BAZ1B: variants seen among roughly 807,000 people sequenced by gnomAD.
BAZ1B encodes the protein bromodomain adjacent to zinc finger domain 1B, also known as tyrosine-protein kinase BAZ1B.
Under a neutral mutation model 153.8 loss-of-function variants are expected in BAZ1B, and 22 were observed. The ratio of observed to expected loss-of-function variants is 0.14; its 90% confidence interval spans 0.10 to 0.20. The LOEUF (loss-of-function observed/expected upper bound fraction) is 0.20. BAZ1B is among the 10% of genes least tolerant of loss of function. The pLI, the probability that BAZ1B is intolerant of heterozygous loss-of-function variation, is 1.00. For synonymous variants in BAZ1B, 676 were observed against 633.4 expected (o/e 1.07, Z -1.01); for missense variants, 1,325 against 1,799.3 (o/e 0.74, Z 4.77).
chr7:73,442,490 A>G lies in BAZ1B; in HGVS notation c.4158T>C (p.Phe1386=). 2 of 1,614,218 alleles carry G rather than the reference A, an allele frequency of 1.2e-6. No individual in the cohort carries two copies. The highest frequency in any genetic ancestry group is 1.7e-6 in the Non-Finnish European group (2 of 1,180,036). Residue 1386 remains phenylalanine, a synonymous_variant, in exon 19 of 20, where the codon TTT becomes TTC. Transcript: ENST00000339594. ...AGGAACATTTGTTCTGCACTGTCTGAAAGTCCATGGGGTGCGTGATCACAT... is the reference window on the plus strand; with the variant it reads ...AGGAACATTTGTTCTGCACTGTCTGGAAGTCCATGGGGTGCGTGATCACAT... The part of the protein sequence containing the change: ...YYDVITHPMD[F]QTVQNKCSCG...
At chr7:73,492,047 C>G (rs534379306) in intron 5 of BAZ1B, among the ~76,000 whole-genome samples, 2 of 140,436 alleles carry the variant, frequency 1.4e-5, no homozygotes, top group Non-Finnish European at 3.0e-5. Context: ...GGCTGGAGTG[C>G]AGGGGCGCAA....
intron 2 of BAZ1B, among the ~76,000 whole-genome samples, chr7:73,509,758 C>T (rs1554578314): frequency 6.6e-6 from 1 of 151,264 alleles, no homozygotes; most frequent in East Asian, 1.9e-4. Context: ...ACTTGAACAC[C>T]AGAGCTGTTG....
At chr7:73,458,563 C>A (rs782358987) in intron 13 of BAZ1B, among the ~76,000 whole-genome samples, 1 of 151,216 alleles carries the variant, frequency 6.6e-6, no homozygotes, top group Non-Finnish European at 1.5e-5. Context: ...GCAATTCCAG[C>A]TACTTGGGAG....
In BAZ1B at chr7:73,459,654, A is replaced by G. The variant is rs937962284; in HGVS notation, c.3314T>C (p.Ile1105Thr). Residue 1105 changes from isoleucine to threonine, a missense_variant, in exon 13 of 20, where the codon ATA becomes ACA. Coordinates refer to ENST00000339594, the MANE Select transcript of BAZ1B (RefSeq NM_032408.4). Reference protein sequence around the residue: ...ECVIALQASVIKKFLQGFMAP... With the variant: ...ECVIALQASVTKKFLQGFMAP... ...CATGAAGCCTTGGAGAAATTTCTTT[A>G]TGACACTGGCCTGAAGGGCAATCAC... The G allele has an allele frequency of 1.9e-6, 3 of 1,614,052 alleles. No individual in the cohort carries two copies. The Admixed American group carries it at 5.0e-5, about 27-fold the overall frequency.
chr7:73,485,557 C>T (rs1789370769), intron 6 of BAZ1B, among the ~76,000 whole-genome samples: 1 of 150,904 alleles, frequency 6.6e-6, no homozygotes, highest in African/African-American at 2.4e-5. Context: ...GCCAGAAGTT[C>T]CAGGTTACAG....
chr7:73,471,108 A>G (rs1212957249), intron 7 of BAZ1B, among the ~76,000 whole-genome samples: 2 of 152,242 alleles, frequency 1.3e-5, no homozygotes, highest in African/African-American at 4.8e-5. Context: ...GACTAACTGA[A>G]ACATCTTCTG....
At chr7:73,492,523 C>A (rs1789693122) in intron 5 of BAZ1B, among the ~76,000 whole-genome samples, 2 of 152,158 alleles carry the variant, frequency 1.3e-5, no homozygotes, top group African/African-American at 4.8e-5. Context: ...CTGCTGGGAA[C>A]AGATTCTTAA....
At chr7:73,511,758 C>T (rs910675483) in intron 1 of BAZ1B, among the ~76,000 whole-genome samples, 52 of 151,500 alleles carry the variant, frequency 3.4e-4, no homozygotes, top group African/African-American at 1.2e-3. Flanking sequence ...TGGTGGCTCA[C>T]GCCTGTAATC....
chr7:73,520,210 C>CAA lies in BAZ1B; in HGVS notation c.107+1615_107+1616dup, dbSNP rs1158487602. 8.9e-3 allele frequency among the ~76,000 whole-genome samples: 512 copies of CAA among 57,354 alleles called. 10 individuals carry two copies. The highest frequency in any genetic ancestry group is 0.029 in the African/African-American group (465 of 16,160). The allele number at this position is 57,354 out of a possible 152,430, so 37.6% of individuals were successfully genotyped here. A position where few individuals can be genotyped will look rare whatever the true frequency, so the allele number is the denominator to read the frequency against. ...GGTTAACAAGAGGGAAACTCCGTCT[C>CAA]AAAAAAAAAAAAAAAAAAAAGTGGG... is the stretch of plus-strand genomic sequence containing the variant. On this transcript the variant is annotated intron_variant, in intron 1 of 19. Coordinates refer to ENST00000339594, the MANE Select transcript of BAZ1B (RefSeq NM_032408.4).
chr7:73,505,574 G>A (rs1243259906), intron 3 of BAZ1B, among the ~76,000 whole-genome samples: 1 of 152,024 alleles, frequency 6.6e-6, no homozygotes, highest in African/African-American at 2.4e-5. Context: ...TCAAGGAATG[G>A]GCTGAAGAAC....
intron 1 of BAZ1B, among the ~76,000 whole-genome samples, chr7:73,514,457 T>C (rs1790710172): frequency 6.6e-6 from 1 of 151,126 alleles, no homozygotes; most frequent in South Asian, 2.1e-4. Flanking sequence ...TGCTTGAACC[T>C]TGGAGACGGA....
intron 12 of BAZ1B, 54 bp downstream of exon 12, chr7:73,462,868 A>G: frequency 1.3e-6 from 2 of 1,579,172 alleles, no homozygotes; most frequent in Non-Finnish European, 1.7e-6. Flanking sequence ...CCAGGGAAGA[A>G]CTTCAGATTG....
At position 73,442,959 on chromosome 7, in the gene BAZ1B, A is replaced by G. The variant is rs531090143; in HGVS notation, c.3991-131T>C. On this transcript the variant is annotated intron_variant, in intron 17 of 19. Transcript: ENST00000339594. ...ATTTCCTTGGCGCAGAGGTGCTGAAACCTTCTGATATTCAAGTCAGGGAGC... is the reference window on the plus strand; with the variant it reads ...ATTTCCTTGGCGCAGAGGTGCTGAAGCCTTCTGATATTCAAGTCAGGGAGC... 674 of 707,334 alleles carry G rather than the reference A, an allele frequency of 9.5e-4. 3 individuals are homozygous for G. The highest frequency in any genetic ancestry group is 5.7e-4 in the Non-Finnish European group (243 of 429,540). The allele number at this position is 707,334 out of a possible 1,614,324, so 43.8% of individuals were successfully genotyped here.
chr7:73,467,288 C>A (rs1402032425), intron 9 of BAZ1B, among the ~76,000 whole-genome samples: 1 of 152,082 alleles, frequency 6.6e-6, no homozygotes, highest in African/African-American at 2.4e-5. Context: ...CTTCTCTTTC[C>A]CATTCTCCCC....
chr7:73,447,479 A>C, intron 15 of BAZ1B, 100 bp from the exon 16 acceptor site: 2 of 1,354,970 alleles, frequency 1.5e-6, no homozygotes, highest in Non-Finnish European at 2.0e-6. Context: ...CTCTTCACAG[A>C]CTACATATGT....
intron 1 of BAZ1B, among the ~76,000 whole-genome samples, chr7:73,516,511 G>A (rs1350689947): frequency 7.9e-5 from 12 of 151,908 alleles, no homozygotes; most frequent in African/African-American, 1.2e-4. Context: ...GGGGCCAGGC[G>A]CGGTGGCTCA....
chr7:73,518,090 C>T (rs782453344), intron 1 of BAZ1B, among the ~76,000 whole-genome samples: 1 of 152,026 alleles, frequency 6.6e-6, no homozygotes, highest in Non-Finnish European at 1.5e-5. Flanking sequence ...TATGGCATAA[C>T]GTATTACTTT....
chr7:73,517,166 C>A (rs1204226281), intron 1 of BAZ1B, among the ~76,000 whole-genome samples: 1 of 148,874 alleles, frequency 6.7e-6, no homozygotes, highest in Non-Finnish European at 1.5e-5. Context: ...CTGGGCGACA[C>A]AGCAATAACC....
chr7:73,490,884 C>G (rs968942099), intron 5 of BAZ1B, among the ~76,000 whole-genome samples: 11 of 151,610 alleles, frequency 7.3e-5, no homozygotes, highest in African/African-American at 2.7e-4. Flanking sequence ...GGATTACAGG[C>G]ATGAGCCACC....
Sources: gnomAD v4.1 joint callset for allele counts (sites outside exome capture counted in the v4.1 genomes callset) on GRCh38, gnomAD v4.1.1 for gene constraint, MANE v1.5 for transcripts, NCBI Gene and HGNC (gene_info 2026-07-23, HGNC 2026-07-21) for gene names.